ADAM29: variants seen among roughly 807,000 people sequenced by gnomAD.
ADAM29 encodes the protein ADAM metallopeptidase domain 29.
For missense variants in ADAM29, 969 were observed against 1,001.8 expected (o/e 0.97, Z 0.44); for synonymous variants, 367 against 342.3 (o/e 1.07, Z -0.80).
rs750309278 is a variant in ADAM29, at chr4:174,977,193, T to C, written c.1668T>C (p.Cys556=). Residue 556 remains cysteine (C), a synonymous_variant, in exon 5 of 5, where the codon TGT becomes TGC. Coordinates refer to ENST00000359240, the MANE Select transcript of ADAM29 (RefSeq NM_014269.4). The stretch of plus-strand genomic sequence containing the variant: ...ATGTCCAGTGTGGAAGAATTCAGTG[T>C]GAGAATGTGACAGAAATTCCCAATA... ...ISDVQCGRIQ[C]ENVTEIPNMS... The C allele has an allele frequency of 2.5e-6, 4 of 1,613,922 alleles. No individual in the cohort carries two copies. The highest frequency in any genetic ancestry group is 2.2e-5 in the South Asian group (2 of 91,080).
intron 4 of ADAM29, among the ~76,000 whole-genome samples, chr4:174,960,597 T>C (rs1394722479): frequency 6.6e-6 from 1 of 152,128 alleles, no homozygotes; most frequent in Non-Finnish European, 1.5e-5. Context: ...CTTTAGTAGT[T>C]TTTTCTCTAA....
At chr4:174,944,993 C>T (rs1303019163) in intron 4 of ADAM29, among the ~76,000 whole-genome samples, 1 of 152,018 alleles carries the variant, frequency 6.6e-6, no homozygotes, top group East Asian at 1.9e-4. Context: ...TATACATGTA[C>T]ATGTGTTTTT....
chr4:174,949,733 G>C (rs773171474), intron 4 of ADAM29, among the ~76,000 whole-genome samples: 2 of 151,758 alleles, frequency 1.3e-5, no homozygotes, highest in African/African-American at 2.4e-5. Flanking sequence ...CCTGAATCCC[G>C]TCCTATTTCT....
chr4:174,960,827 C>T (rs1036973284), intron 4 of ADAM29, among the ~76,000 whole-genome samples: 2 of 152,148 alleles, frequency 1.3e-5, no homozygotes, highest in Non-Finnish European at 2.9e-5. Flanking sequence ...GTAACTTATA[C>T]TATGTGCAAG....
chr4:174,968,889 T>C (rs1022551925), intron 4 of ADAM29, among the ~76,000 whole-genome samples: 1 of 152,066 alleles, frequency 6.6e-6, no homozygotes, highest in African/African-American at 2.4e-5. Context: ...TAGATTGTCT[T>C]CAAGTATTAG....
At chr4:174,970,683 C>A (rs1351139107) in intron 4 of ADAM29, among the ~76,000 whole-genome samples, 4 of 152,116 alleles carry the variant, frequency 2.6e-5, no homozygotes, top group Middle Eastern at 3.4e-3. Flanking sequence ...TTACAGCAGC[C>A]ATAGGAAACT....
intron 4 of ADAM29, among the ~76,000 whole-genome samples, chr4:174,953,012 C>T (rs58804381): frequency 1.3e-3 from 198 of 152,230 alleles, no homozygotes; most frequent in African/African-American, 4.5e-3. Context: ...CTAGGCTGGG[C>T]GCGATGGCTC....
Position 174,975,364 on chromosome 4 carries a change from T to G in ADAM29, c.-162T>G. On this transcript the variant is annotated 5_prime_UTR_variant, in exon 5 of 5. Transcript: ENST00000359240. The stretch of plus-strand genomic sequence containing the variant: ...CTTATAGTGCTGCAGCTCTGATGGT[T>G]CAACTCTGCCAAAAGATGGATCTTT... The G allele has an allele frequency of 9.5e-6, 5 of 527,142 alleles. No homozygotes were observed. The highest frequency in any genetic ancestry group is 1.5e-5 in the Non-Finnish European group (5 of 327,730). The allele number at this position is 527,142 out of a possible 1,614,324, so 32.7% of individuals were successfully genotyped here.
At chr4:174,935,232 G>A (rs1744137736) in intron 3 of ADAM29, among the ~76,000 whole-genome samples, 1 of 152,058 alleles carries the variant, frequency 6.6e-6, no homozygotes, top group Non-Finnish European at 1.5e-5. Context: ...AACAATAGAA[G>A]GGTCTACATA....
intron 1 of ADAM29, chr4:174,918,952 A>C (rs13131992): frequency 0.66 from 100,408 of 151,980 alleles, 34,100 homozygotes; most frequent in East Asian, 0.94. Context: ...TCAGAGTCAT[A>C]TGTTTGCTTT....
chr4:174,921,970 T>C (rs1176642384), intron 2 of ADAM29, among the ~76,000 whole-genome samples: 1 of 152,202 alleles, frequency 6.6e-6, no homozygotes, highest in Non-Finnish European at 1.5e-5. Context: ...TTATAACAAT[T>C]AATTTAAAGT....
At chr4:174,957,971 T>C (rs773930150) in intron 4 of ADAM29, among the ~76,000 whole-genome samples, 13 of 151,810 alleles carry the variant, frequency 8.6e-5, no homozygotes, top group Non-Finnish European at 1.3e-4. Flanking sequence ...ATTCTGAGTA[T>C]TTGGAGATTT....
intron 4 of ADAM29, among the ~76,000 whole-genome samples, chr4:174,941,711 C>A (rs1744549936): frequency 6.6e-6 from 1 of 152,114 alleles, no homozygotes; most frequent in African/African-American, 2.4e-5. Context: ...CAGAGCCAAA[C>A]CATATCACTC....
chr4:174,923,642 C>T (rs1202064286), intron 2 of ADAM29, among the ~76,000 whole-genome samples: 1 of 148,468 alleles, frequency 6.7e-6, no homozygotes, highest in Non-Finnish European at 1.5e-5. Context: ...GGAAGAACAA[C>T]AACAAAATCT....
At chr4:174,935,722 C>G (rs1450492811) in intron 3 of ADAM29, among the ~76,000 whole-genome samples, 5 of 151,996 alleles carry the variant, frequency 3.3e-5, no homozygotes, top group African/African-American at 1.2e-4. Context: ...ATACTTAACA[C>G]AGTATTTCAC....
At chr4:174,932,224 T>A (rs1021862248) in intron 3 of ADAM29, among the ~76,000 whole-genome samples, 12 of 151,724 alleles carry the variant, frequency 7.9e-5, no homozygotes, top group African/African-American at 2.2e-4. Flanking sequence ...GAGGTGGAGG[T>A]TGCAGTGAGC....
intron 3 of ADAM29, among the ~76,000 whole-genome samples, chr4:174,936,209 G>A (rs1197154374): frequency 6.6e-6 from 1 of 151,984 alleles, no homozygotes; most frequent in Non-Finnish European, 1.5e-5. Flanking sequence ...CGGAAATTCT[G>A]TCTCTATAAT....
chr4:174,958,061 G>T (rs1745606617), intron 4 of ADAM29, among the ~76,000 whole-genome samples: 1 of 151,698 alleles, frequency 6.6e-6, no homozygotes, highest in Non-Finnish European at 1.5e-5. Flanking sequence ...TTTTAAATTT[G>T]TTAAGCTAGA....
intron 4 of ADAM29, among the ~76,000 whole-genome samples, chr4:174,963,383 CTT>C (rs1458650397): frequency 6.6e-6 from 1 of 152,044 alleles, no homozygotes; most frequent in Admixed American, 6.5e-5. Flanking sequence ...AAAGGAAACA[CTT>C]GATAATTTTT....
Sources: gnomAD v4.1 joint callset for allele counts (sites outside exome capture counted in the v4.1 genomes callset) on GRCh38, gnomAD v4.1.1 for gene constraint, MANE v1.5 for transcripts, NCBI Gene and HGNC (gene_info 2026-07-23, HGNC 2026-07-21) for gene names.